XKR6: variants seen among roughly 807,000 people sequenced by gnomAD.
XKR6 encodes the protein XK-related protein 6.
XKR6 carries 22 observed loss-of-function variants against 56.7 expected under a neutral mutation model. The ratio of observed to expected loss-of-function variants is 0.39; its 90% CI spans 0.28 to 0.55. The LOEUF (loss-of-function observed/expected upper bound fraction) is 0.55. Ranked by LOEUF, XKR6 falls within the 20% of genes least tolerant of loss-of-function variation. The pLI is 0.66. For synonymous variants in XKR6, 524 were observed against 387.8 expected (o/e 1.35, Z -4.13); for missense variants, 852 against 889.0 (o/e 0.96, Z 0.53).
At chr8:10,923,594 A>T (rs893144485) in intron 2 of XKR6, among the ~76,000 whole-genome samples, 5 of 152,270 alleles carry the variant, frequency 3.3e-5, no homozygotes, top group African/African-American at 9.6e-5. Flanking sequence ...ACAGAGGGCC[A>T]GCTTGGAAAA....
chr8:11,135,921 A>G (rs1338602353), intron 1 of XKR6, among the ~76,000 whole-genome samples: 1 of 152,204 alleles, frequency 6.6e-6, no homozygotes, highest in Non-Finnish European at 1.5e-5. Context: ...ACCACTTAAA[A>G]AGGCTGATAA....
At chr8:11,085,232 C>T (rs13248264) in intron 1 of XKR6, among the ~76,000 whole-genome samples, 29,886 of 152,194 alleles carry the variant, frequency 0.2, 3,664 homozygotes, top group Non-Finnish European at 0.28. Flanking sequence ...TCCTCCTCTG[C>T]GGCCCCCATG....
At chr8:11,070,073 C>T in intron 1 of XKR6, among the ~76,000 whole-genome samples, 1 of 152,336 alleles carries the variant, frequency 6.6e-6, no homozygotes, top group Non-Finnish European at 1.5e-5. Flanking sequence ...CCTGGCCCCA[C>T]AGTTTTGGCT....
At chr8:10,987,916 CCT>C (rs1198098915) in intron 1 of XKR6, among the ~76,000 whole-genome samples, 2 of 152,232 alleles carry the variant, frequency 1.3e-5, no homozygotes, top group East Asian at 3.8e-4. Flanking sequence ...TCACTCTGCA[CCT>C]CTCTCAGGTC....
chr8:11,138,826 T>C (rs1171417245), intron 1 of XKR6, among the ~76,000 whole-genome samples: 2 of 152,142 alleles, frequency 1.3e-5, no homozygotes, highest in Non-Finnish European at 2.9e-5. Context: ...ATGTTCTATA[T>C]TCTCTAAACA....
At chr8:10,970,033 T>C (rs1372314658) in intron 1 of XKR6, among the ~76,000 whole-genome samples, 4 of 152,208 alleles carry the variant, frequency 2.6e-5, no homozygotes, top group African/African-American at 9.6e-5. Context: ...GAGCCCCAAA[T>C]GCTCGCCACA....
At position 10,896,643 on chromosome 8, in the gene XKR6, G is replaced by T. The variant is rs1229553842; in HGVS notation, c.*1309C>A. On this transcript the variant is annotated 3_prime_UTR_variant, in exon 3 of 3. Transcript: ENST00000416569. ...CACCAGGTGAGCTGAATGATTTTCA[G>T]CCAACCACAATGGTGAAAGACAGAA... 6.6e-6 allele frequency: 1 copy of T among 152,430 alleles called. No homozygotes were observed. The highest frequency in any genetic ancestry group is 2.4e-5 in the African/African-American group (1 of 41,368). 9.4% of individuals were successfully genotyped at this position (152,430 alleles called of 1,614,324 possible).
intron 1 of XKR6, among the ~76,000 whole-genome samples, chr8:11,076,171 C>CA (rs1800269305): frequency 6.6e-6 from 1 of 152,138 alleles, no homozygotes; most frequent in South Asian, 2.1e-4. Context: ...ATAGAGGAGT[C>CA]AGATTCATAG....
chr8:11,135,196 AT>A (rs570435690), intron 1 of XKR6, among the ~76,000 whole-genome samples: 2 of 151,790 alleles, frequency 1.3e-5, no homozygotes, highest in Admixed American at 1.3e-4. Flanking sequence ...AGCCTGGCTA[AT>A]TTTTTGTATT....
At chr8:11,195,225 C>A (rs949710811) in intron 1 of XKR6, 1 of 700,398 alleles carries the variant, frequency 1.4e-6, no homozygotes, top group Non-Finnish European at 2.6e-6. Flanking sequence ...TTGCCCACTG[C>A]AACATTATAA....
intron 1 of XKR6, among the ~76,000 whole-genome samples, chr8:11,156,864 G>A (rs1181081559): frequency 6.6e-6 from 1 of 151,924 alleles, no homozygotes; most frequent in African/African-American, 2.4e-5. Context: ...CACACACAGA[G>A]TCCTTCAGGG....
intron 1 of XKR6, among the ~76,000 whole-genome samples, chr8:11,136,052 T>C (rs191795128): frequency 2.6e-5 from 4 of 152,348 alleles, no homozygotes; most frequent in African/African-American, 9.6e-5. Context: ...AGATGGCACC[T>C]TATAAATTAT....
intron 1 of XKR6, among the ~76,000 whole-genome samples, chr8:11,081,371 T>A (rs1797716710): frequency 6.6e-6 from 1 of 152,270 alleles, no homozygotes; most frequent in South Asian, 2.1e-4. Flanking sequence ...AGGTTATCCC[T>A]TGATTAAGGT....
At chr8:11,187,075 G>C (rs1398669918) in intron 1 of XKR6, among the ~76,000 whole-genome samples, 1 of 151,940 alleles carries the variant, frequency 6.6e-6, no homozygotes, top group Admixed American at 6.6e-5. Context: ...CTCTTTTTTT[G>C]TTTACTGTAG....
At chr8:10,998,599 T>G (rs923808719) in intron 1 of XKR6, among the ~76,000 whole-genome samples, 2 of 152,342 alleles carry the variant, frequency 1.3e-5, no homozygotes, top group Admixed American at 1.3e-4. Flanking sequence ...AGACCTGGGT[T>G]CTGTCTCCAG....
intron 1 of XKR6, among the ~76,000 whole-genome samples, chr8:10,926,847 G>C (rs890416855): frequency 6.6e-6 from 1 of 152,250 alleles, no homozygotes; most frequent in Non-Finnish European, 1.5e-5. Context: ...CAGGGAAGAG[G>C]CTCAGGAAGA....
At position 11,152,107 on chromosome 8, in the gene XKR6, T is replaced by C. The variant is rs564151278; in HGVS notation, c.764+48469A>G. ...GTACACAGGATTTTGCTAAAGTATA[T>C]AGAATTCAAATAAGAATCTTAAGAA... On this transcript the variant is annotated intron_variant, in intron 1 of 2. Transcript: ENST00000416569. Among the ~76,000 whole-genome samples the C allele has an allele frequency of 4.6e-5, 7 of 152,330 alleles. No individual in the cohort carries two copies. In the South Asian group the frequency reaches 1.2e-3, roughly 27 times the overall value.
chr8:11,094,488 C>A (rs554784208), intron 1 of XKR6, among the ~76,000 whole-genome samples: 102 of 152,310 alleles, frequency 6.7e-4, no homozygotes, highest in Non-Finnish European at 1.2e-3. Context: ...CTACACCCGG[C>A]CATTATCTAC....
chr8:11,139,986 G>A (rs569007660), intron 1 of XKR6, among the ~76,000 whole-genome samples: 1 of 152,100 alleles, frequency 6.6e-6, no homozygotes, highest in African/African-American at 2.4e-5. Flanking sequence ...CCTTTTTAAA[G>A]TTCAAAAAGC....
Sources: gnomAD v4.1 joint callset for allele counts (sites outside exome capture counted in the v4.1 genomes callset) on GRCh38, gnomAD v4.1.1 for gene constraint, MANE v1.5 for transcripts, NCBI Gene and HGNC (gene_info 2026-07-23, HGNC 2026-07-21) for gene names.